Variants in PTPRS observed in about 807,000 individuals in gnomAD.
PTPRS encodes receptor-type tyrosine-protein phosphatase S.
A neutral mutation model predicts 215.3 loss-of-function variants in PTPRS; 63 were observed. The observed-to-expected ratio is 0.29, with a 90% CI of 0.24 to 0.36. The LOEUF is 0.36. PTPRS is among the 10% of genes least tolerant of loss of function. PTPRS has a pLI of 1.00. For synonymous variants in PTPRS, 1,404 were observed against 1,191.4 expected, an observed-to-expected ratio of 1.18 and a Z score of -3.68; for missense variants, 2,258 against 2,825.8, an observed-to-expected ratio of 0.80 and a Z score of 4.56.
chr19:5,222,049 C>G, intron 19 of PTPRS, 74 bp downstream of exon 19: 2 of 1,269,884 alleles, frequency 1.6e-6, no homozygotes, highest in African/African-American at 1.5e-5. Flanking sequence ...CAACTCCAAA[C>G]TGAGCCTTAA....
chr19:5,250,992 A>C (rs1599700314), intron 9 of PTPRS: 1 of 141,928 alleles, frequency 7.0e-6, no homozygotes, highest in East Asian at 2.3e-4. Context: ...GGGTGGGAGA[A>C]GATTCTAGAT....
chr19:5,290,324 T>A (rs143583601), intron 1 of PTPRS, among the ~76,000 whole-genome samples: 1 of 152,182 alleles, frequency 6.6e-6, no homozygotes, highest in Non-Finnish European at 1.5e-5. Context: ...CCACGTTTAA[T>A]CTTGTGACTG....
intron 1 of PTPRS, among the ~76,000 whole-genome samples, chr19:5,323,752 G>C (rs36120975): frequency 0.089 from 13,564 of 152,254 alleles, 753 homozygotes; most frequent in Non-Finnish European, 0.14. Flanking sequence ...TCCCCCAAGA[G>C]GTGAGAGCCA....
chr19:5,281,734 C>T (rs945252787), intron 2 of PTPRS, among the ~76,000 whole-genome samples: 4 of 152,166 alleles, frequency 2.6e-5, no homozygotes, highest in African/African-American at 9.7e-5. Context: ...TGGTAAAAAT[C>T]CCTCCCTCTG....
At position 5,244,124 on chromosome 19, in the gene PTPRS, C is replaced by T. The variant is rs780230682; in HGVS notation, c.1347G>A (p.Glu449=). Residue 449 remains glutamate, a synonymous_variant, in exon 11 of 38, where the codon GAG becomes GAA. Transcript: ENST00000262963. This position sits in a 1 kb window ranked among gnomAD's most constrained non-coding sequence, Gnocchi z 7.2. The part of the protein sequence containing the change: ...SATTMIVQWE[E]PVEPNGLIRG... ...GGATCAGGCCGTTGGGCTCCACCGG[C>T]TCCTCCCACTGCACAATCATGGTGG... 5.0e-6 allele frequency: 8 copies of T among 1,606,530 alleles called. No individual in the cohort carries two copies. In the South Asian group the frequency reaches 7.7e-5, roughly 16 times the overall value.
In PTPRS at chr19:5,295,643, T is replaced by C. The variant is rs1287885556; in HGVS notation, c.-94-9409A>G. 6.6e-6 allele frequency among the ~76,000 whole-genome samples: 1 copy of C among 152,154 alleles called. No homozygotes were observed. The highest frequency in any genetic ancestry group is 1.5e-5 in the Non-Finnish European group (1 of 68,038). ...GTACAAAGGAGGTTCTCAGCAAACA[T>C]TTGCACAATCAGGCCCAGCCTCACC... On this transcript the variant is annotated intron_variant, in intron 1 of 37. Transcript: ENST00000262963. This position sits in a 1 kb window ranked among gnomAD's most constrained non-coding sequence, Gnocchi z 4.6.
At chr19:5,316,295 C>G (rs2049873962) in intron 1 of PTPRS, among the ~76,000 whole-genome samples, 1 of 152,212 alleles carries the variant, frequency 6.6e-6, no homozygotes, top group Non-Finnish European at 1.5e-5. Context: ...AAATGTAAGT[C>G]AAATAAATGG....
In PTPRS at chr19:5,274,288, C is replaced by T. The variant is rs2047170764; in HGVS notation, c.148G>A (p.Ala50Thr). ...KDQIGVSGGV[A>T]SFVCQATGDP... ...CCCGTGGCCTGACACACGAAAGAGG[C>T]CACACCCCCCGACACGCCGATCTGG... The change falls in exon 3 of 38, where the codon GCC becomes ACC. Residue 50 changes from alanine to threonine, a missense_variant. Physicochemically the swap from Ala to Thr is moderately conservative, Grantham distance 58. Transcript: ENST00000262963. 5 of 1,613,932 alleles carry T rather than the reference C, an allele frequency of 3.1e-6. No homozygotes were observed. Among genetic ancestry groups the T allele is most frequent in the Non-Finnish European group, 4.2e-6 (5 of 1,179,952 alleles).
At position 5,237,647 on chromosome 19, in the gene PTPRS, C is replaced by T. The variant is rs1232308858; in HGVS notation, c.1849+1272G>A. On this transcript the variant is annotated intron_variant, in intron 13 of 37. Coordinates refer to ENST00000262963, the MANE Select transcript of PTPRS (RefSeq NM_002850.4). This position sits in a 1 kb window ranked among gnomAD's most constrained non-coding sequence, Gnocchi z 4.2. ...TGGCTGGGGCAGGCGGGGGGGCACG[C>T]GGGGTGGGCCGTTTTTGTGAACCTG... Among the ~76,000 whole-genome samples, 1 of 152,006 alleles carries T rather than the reference C, an allele frequency of 6.6e-6. No homozygotes were observed. Among genetic ancestry groups the T allele is most frequent in the Non-Finnish European group, 1.5e-5 (1 of 67,984 alleles).
At chr19:5,234,709 T>C (rs1452078354) in intron 13 of PTPRS, among the ~76,000 whole-genome samples, 1 of 151,754 alleles carries the variant, frequency 6.6e-6, no homozygotes, top group Non-Finnish European at 1.5e-5. Context: ...AAGGGCTGTA[T>C]CAGAAAAGTT....
At chr19:5,255,404 C>A (rs181238784) in intron 9 of PTPRS, among the ~76,000 whole-genome samples, 1 of 152,170 alleles carries the variant, frequency 6.6e-6, no homozygotes, top group Middle Eastern at 3.4e-3. Context: ...AATCACAATG[C>A]GTTTGGAGAA....
intron 14 of PTPRS, among the ~76,000 whole-genome samples, chr19:5,230,082 C>A (rs1310317865): frequency 1.3e-5 from 2 of 152,160 alleles, no homozygotes; most frequent in African/African-American, 4.8e-5. Flanking sequence ...TAGCAAGAGG[C>A]AAAGCCAGGA....
chr19:5,291,605 C>T (rs1398255241), intron 1 of PTPRS, among the ~76,000 whole-genome samples: 5 of 152,048 alleles, frequency 3.3e-5, no homozygotes, highest in African/African-American at 7.2e-5. Context: ...CCCCTCTTCC[C>T]GAAAGGTCCT....
At chr19:5,222,564 C>A in intron 18 of PTPRS, 125 bp downstream of exon 18, 1 of 1,179,188 alleles carries the variant, frequency 8.5e-7, no homozygotes, top group East Asian at 2.8e-5. Context: ...TCCGGACTTG[C>A]CTTGAGTGAC....
At chr19:5,251,286 C>A (rs1200521897) in intron 9 of PTPRS, among the ~76,000 whole-genome samples, 1 of 133,720 alleles carries the variant, frequency 7.5e-6, no homozygotes, top group Non-Finnish European at 1.7e-5. Context: ...TCCCGCCTCT[C>A]CCCCCCACCG....
rs767400237 is a variant in PTPRS, at chr19:5,220,003, C to T, written c.3701G>A (p.Arg1234Gln). 25 of 1,613,512 alleles carry T rather than the reference C, an allele frequency of 1.5e-5. No homozygotes were observed. The highest frequency in any genetic ancestry group is 1.5e-4 in the African/African-American group (11 of 74,922). Residue 1234 changes from arginine to glutamine, a missense_variant, in exon 22 of 38, where the codon CGG becomes CAG. By Grantham distance (43) the Arg-to-Gln change is conservative. Coordinates refer to ENST00000262963, the MANE Select transcript of PTPRS (RefSeq NM_002850.4). The part of the protein sequence containing the change: ...DQKQYGGFDN[R>Q]GLEPGHRYVL... ...ATAGCGGTGGCCGGGCTCCAGGCCC[C>T]GGTTATCGAAGCCGCCATACTGCTT...
In PTPRS at chr19:5,221,218, G is replaced by A. The variant is rs745838238; in HGVS notation, c.3237C>T (p.Gly1079=). The A allele has an allele frequency of 3.6e-5, 58 of 1,613,694 alleles. No homozygotes were observed. The highest frequency in any genetic ancestry group is 4.9e-5 in the Non-Finnish European group (58 of 1,179,904). ...GCGTGATGAGCTTCTTGGTGGTACG[G>A]CCATCCACATCCAGTGTGAGCCCAT... ...QYNGLTLDVD[G]RTTKKLITHL... is the part of the protein sequence containing the mutation. The change falls in exon 20 of 38, where the codon GGC becomes GGT. Residue 1079 remains glycine (G), a synonymous_variant. Transcript: ENST00000262963.
intron 24 of PTPRS, 62 bp from the exon 25 acceptor site, chr19:5,218,594 A>G (rs1245348894): frequency 1.9e-6 from 3 of 1,561,210 alleles, no homozygotes; most frequent in Non-Finnish European, 1.8e-6. Flanking sequence ...TGTGAACACA[A>G]TTCAGGCCCC....
chr19:5,242,354 C>A (rs1303743313), intron 11 of PTPRS, among the ~76,000 whole-genome samples: 2 of 152,090 alleles, frequency 1.3e-5, no homozygotes, highest in South Asian at 4.1e-4. Flanking sequence ...TAAAGGGAAG[C>A]CAAAAATTTG....
Sources: gnomAD v4.1 joint callset for allele counts (sites outside exome capture counted in the v4.1 genomes callset) on GRCh38, gnomAD v4.1.1 for gene constraint, Gnocchi (gnomAD v3.1) non-coding constraint, MANE v1.5 for transcripts, NCBI Gene and HGNC (gene_info 2026-07-23, HGNC 2026-07-21) for gene names.